VARS1: variants seen among roughly 807,000 people sequenced by gnomAD.
VARS1 encodes valyl-tRNA synthetase 1.
In VARS1, 92 loss-of-function variants were observed where a neutral mutation model predicts 161.0. The ratio of observed to expected loss-of-function variants is 0.57; its 90% CI spans 0.48 to 0.68. The LOEUF is 0.68. Among genes scored for constraint, VARS1 ranks in the 30% least tolerant of loss-of-function variants. The pLI is 0.00. For synonymous variants in VARS1, 595 were observed against 682.5 expected, an observed-to-expected ratio of 0.87 and a Z score of 2.00; for missense variants, 1,338 against 1,695.9, an observed-to-expected ratio of 0.79 and a Z score of 3.71.
At position 31,784,729 on chromosome 6, in the gene VARS1, G is replaced by A. The variant is rs780364406; in HGVS notation, c.1348-15C>T. 1.9e-6 allele frequency: 3 copies of A among 1,612,906 alleles called. No individual in the cohort carries two copies. The highest frequency in any genetic ancestry group is 2.5e-6 in the Non-Finnish European group (3 of 1,179,990). On this transcript the variant is annotated splice_polypyrimidine_tract_variant and intron_variant, in intron 10 of 29. Coordinates refer to ENST00000375663, the MANE Select transcript of VARS1 (RefSeq NM_006295.3). This position sits in a 1 kb window ranked among gnomAD's most constrained non-coding sequence, Gnocchi z 6.1. ...GCTGAGAGTTTCTGGGGTGGAGGAG[G>A]GAGAAGTCAGAGAGATGGGCCTTGT...
chr6:31,784,550 C>T lies in VARS1; in HGVS notation c.1467+45G>A, dbSNP rs1340786766. ...CGTGGCCCAGGGGCCAGGGCCAGGG[C>T]CAGGGTAGATTGGAGATGGAGACAG... On this transcript the variant is annotated intron_variant, in intron 11 of 29. Coordinates refer to ENST00000375663, the MANE Select transcript of VARS1 (RefSeq NM_006295.3). This position sits in a 1 kb window ranked among gnomAD's most constrained non-coding sequence, Gnocchi z 6.1. 31 of 1,613,436 alleles carry T rather than the reference C, an allele frequency of 1.9e-5. No individual in the cohort carries two copies. Among genetic ancestry groups the T allele is most frequent in the Non-Finnish European group, 2.5e-5 (30 of 1,180,038 alleles).
At chr6:31,786,309 C>T (rs905847838) in intron 8 of VARS1, among the ~76,000 whole-genome samples, 2 of 151,430 alleles carry the variant, frequency 1.3e-5, no homozygotes, top group Admixed American at 6.6e-5. Context: ...GAGCTGGAAC[C>T]CTTGTGATTC....
At position 31,778,903 on chromosome 6, in the gene VARS1, G is replaced by C; in HGVS notation, c.3726+64C>G. The C allele has an allele frequency of 6.2e-7, 1 of 1,603,552 alleles. No individual in the cohort carries two copies. The highest frequency in any genetic ancestry group is 1.7e-5 in the Admixed American group (1 of 59,796). On this transcript the variant is annotated intron_variant, in intron 29 of 29. Coordinates refer to ENST00000375663, the MANE Select transcript of VARS1 (RefSeq NM_006295.3). The surrounding 1 kb of genome is among the most constrained non-coding windows in gnomAD (Gnocchi z 5.1). ...TGTCAACACCACTGCACTCGGACCA[G>C]CCCAGACCAGGGTTTTGATGGAGGA...
Position 31,792,235 on chromosome 6 carries a change from G to A in VARS1, c.853C>T (p.Pro285Ser), listed in dbSNP as rs1326207013. 2.9e-5 allele frequency: 47 copies of A among 1,613,734 alleles called. No homozygotes were observed. The highest frequency in any genetic ancestry group is 3.8e-5 in the Non-Finnish European group (45 of 1,179,998). Residue 285 changes from proline to serine, a missense_variant, in exon 6 of 30, where the codon CCA becomes TCA. Coordinates refer to ENST00000375663, the MANE Select transcript of VARS1 (RefSeq NM_006295.3). ...PGVITYDLPT[P>S]PGEKKDVSGP... ...CTAGTACCTTTCTTTTCCCCGGGTG[G>A]GGTTGGGAGGTCATAGGTAATGACC...
In VARS1 at chr6:31,780,710, G is replaced by C. The variant is rs756430820; in HGVS notation, c.2792C>G (p.Ser931Cys). The change falls in exon 24 of 30, where the codon TCC (serine) becomes TGC (cysteine). Residue 931 changes from serine to cysteine, a missense_variant. Coordinates refer to ENST00000375663, the MANE Select transcript of VARS1 (RefSeq NM_006295.3). This position sits in a 1 kb window ranked among gnomAD's most constrained non-coding sequence, Gnocchi z 5.1. ...ALRFGLCAYM[S>C]QGRDINLDVN... is the part of the protein sequence containing the mutation. ...GGACGCTTTGGGGGCCATACCCTGG[G>C]ACATGTAGGCACATAATCCAAACCG... is the stretch of plus-strand genomic sequence containing the variant. 1 of 1,614,132 alleles carries C rather than the reference G, an allele frequency of 6.2e-7. No individual in the cohort carries two copies. The highest frequency in any genetic ancestry group is 1.1e-5 in the South Asian group (1 of 91,088).
At position 31,789,624 on chromosome 6, in the gene VARS1, G is replaced by A. The variant is rs117678546; in HGVS notation, c.1100+1986C>T. Among the ~76,000 whole-genome samples the A allele has an allele frequency of 6.1e-3, 935 of 152,240 alleles. 7 individuals are homozygous for A. The highest frequency in any genetic ancestry group is 0.024 in the Middle Eastern group (7 of 294). On this transcript the variant is annotated intron_variant, in intron 8 of 29. Transcript: ENST00000375663. ...TTCACTTCTTGATAGCTACACCAGCGAAACCCTTCCACACATGCTTCAGCA... is the reference window on the plus strand; with the variant it reads ...TTCACTTCTTGATAGCTACACCAGCAAAACCCTTCCACACATGCTTCAGCA...
At position 31,780,430 on chromosome 6, in the gene VARS1, C is replaced by T; in HGVS notation, c.2925+11G>A. The T allele has an allele frequency of 6.2e-7, 1 of 1,610,136 alleles. No homozygotes were observed. Among genetic ancestry groups the T allele is most frequent in the Non-Finnish European group, 8.5e-7 (1 of 1,178,038 alleles). On this transcript the variant is annotated intron_variant, in intron 25 of 29. Coordinates refer to ENST00000375663, the MANE Select transcript of VARS1 (RefSeq NM_006295.3). The surrounding 1 kb of genome is among the most constrained non-coding windows in gnomAD (Gnocchi z 5.1). Reference sequence around the variant, plus strand: ...GAGTGCTGCCAGCTTTGCTGCCCACCAGGCCCTTACCTGGGAGGTGGGTGA... The same window carrying T: ...GAGTGCTGCCAGCTTTGCTGCCCACTAGGCCCTTACCTGGGAGGTGGGTGA...
Position 31,781,449 on chromosome 6 carries a change from G to A in VARS1, c.2544+32C>T, listed in dbSNP as rs758071480. On this transcript the variant is annotated intron_variant, in intron 21 of 29. Coordinates refer to ENST00000375663, the MANE Select transcript of VARS1 (RefSeq NM_006295.3). This position sits in a 1 kb window ranked among gnomAD's most constrained non-coding sequence, Gnocchi z 6.8. ...ACAGGACGGTAGGAGAGGAGGCTGG[G>A]GGCGATGGGAGGGTCTCGGCTGTCT... The A allele has an allele frequency of 4.4e-6, 7 of 1,607,038 alleles. No homozygotes were observed. The Admixed American group carries it at 1.0e-4, about 23-fold the overall frequency.
rs1813011386 is a variant in VARS1, at chr6:31,779,796, G to A, written c.3100C>T (p.Leu1034=). The A allele has an allele frequency of 6.2e-7, 1 of 1,612,874 alleles. No homozygotes were observed. Among genetic ancestry groups the A allele is most frequent in the Non-Finnish European group, 8.5e-7 (1 of 1,180,004 alleles). The change falls in exon 27 of 30, where the codon CTG becomes TTG. Residue 1034 remains leucine, a synonymous_variant. Coordinates refer to ENST00000375663, the MANE Select transcript of VARS1 (RefSeq NM_006295.3). The surrounding 1 kb of genome is among the most constrained non-coding windows in gnomAD (Gnocchi z 9.1). ...GCTGCCACCTGGTCCACCCCATTCA[G>A]TACAGGTTTCAGGCACTCCTAGGGG... is the stretch of plus-strand genomic sequence containing the variant. The part of the protein sequence containing the change: ...DVYLECLKPV[L]NGVDQVAAEC...
chr6:31,780,172 A>T lies in VARS1; in HGVS notation c.2926-19T>A, dbSNP rs898484126. 10 of 1,611,950 alleles carry T rather than the reference A, an allele frequency of 6.2e-6. No homozygotes were observed. Among genetic ancestry groups the T allele is most frequent in the Admixed American group, 5.0e-5 (3 of 59,988 alleles). The stretch of plus-strand genomic sequence containing the variant: ...CTCCGGGCTTGGGGAGAGAGGGTGT[A>T]TCAGCCGGCGGGCCAGGGGAGGGTG... On this transcript the variant is annotated intron_variant, in intron 25 of 29. Coordinates refer to ENST00000375663, the MANE Select transcript of VARS1 (RefSeq NM_006295.3). This position sits in a 1 kb window ranked among gnomAD's most constrained non-coding sequence, Gnocchi z 5.1.
intron 2 of VARS1, among the ~76,000 whole-genome samples, chr6:31,793,900 C>T (rs954992190): frequency 2.0e-5 from 3 of 151,734 alleles, no homozygotes; most frequent in Admixed American, 6.6e-5. Flanking sequence ...GTTAGGAGTT[C>T]GAGACCAGCC....
chr6:31,784,398 GC>G lies in VARS1; in HGVS notation c.1571del (p.Gly524AlafsTer24). 1.2e-6 allele frequency: 2 copies of G among 1,614,126 alleles called. No homozygotes were observed. The highest frequency in any genetic ancestry group is 8.5e-7 in the Non-Finnish European group (1 of 1,180,040). ...CCTGGTGCCCCTGGCTCCTACCTGAGCCTTGGACCTTATAGGCAAAGGACAC... is the reference window on the plus strand; with the variant it reads ...CCTGGTGCCCCTGGCTCCTACCTGAGCTTGGACCTTATAGGCAAAGGACAC... ...VLVSFAYKVQ[G>X]SDSDEEVVVA... is the part of the protein sequence containing the mutation. On this transcript the variant is annotated frameshift_variant, in exon 12 of 30. Coordinates refer to ENST00000375663, the MANE Select transcript of VARS1 (RefSeq NM_006295.3). LOFTEE classifies it high-confidence loss of function. The surrounding 1 kb of genome is among the most constrained non-coding windows in gnomAD (Gnocchi z 6.1).
chr6:31,795,293 G>A lies in VARS1; in HGVS notation c.-33-43C>T, dbSNP rs1205955390. 4.5e-6 allele frequency: 6 copies of A among 1,320,152 alleles called. No homozygotes were observed. The highest frequency in any genetic ancestry group is 5.8e-6 in the Non-Finnish European group (6 of 1,026,042). The allele number at this position is 1,320,152 out of a possible 1,614,324, so 81.8% of individuals were successfully genotyped here. A position where few individuals can be genotyped will look rare whatever the true frequency, so the allele number is the denominator to read the frequency against. The stretch of plus-strand genomic sequence containing the variant: ...CAGGGGAAGACTGCGGGATCGAGGT[G>A]GGTCCTATGTTTGAGTAGAGAGGGG... On this transcript the variant is annotated intron_variant, in intron 1 of 29. Coordinates refer to ENST00000375663, the MANE Select transcript of VARS1 (RefSeq NM_006295.3). This position sits in a 1 kb window ranked among gnomAD's most constrained non-coding sequence, Gnocchi z 6.9.
intron 8 of VARS1, among the ~76,000 whole-genome samples, chr6:31,786,009 C>T (rs1482028664): frequency 2.6e-5 from 4 of 152,228 alleles, no homozygotes; most frequent in East Asian, 1.9e-4. Context: ...GCCTGTAATC[C>T]CAGCACTTTG....
chr6:31,792,067 A>C (rs1176738407), intron 6 of VARS1, 96 bp from the exon 7 acceptor site: 10 of 1,457,930 alleles, frequency 6.9e-6, no homozygotes, highest in Non-Finnish European at 9.3e-6. Flanking sequence ...CGTCACTCAC[A>C]TCATAGGACA....
chr6:31,786,596 G>A (rs1813521582), intron 8 of VARS1, among the ~76,000 whole-genome samples: 1 of 150,194 alleles, frequency 6.7e-6, no homozygotes, highest in African/African-American at 2.5e-5. Flanking sequence ...AAGCTGGGAG[G>A]GGGAGGTTGC....
At chr6:31,789,656 T>C (rs1407825313) in intron 8 of VARS1, among the ~76,000 whole-genome samples, 3 of 152,154 alleles carry the variant, frequency 2.0e-5, no homozygotes, top group Non-Finnish European at 4.4e-5. Flanking sequence ...AGCAAGCATA[T>C]AGAGCAGGGG....
Position 31,779,381 on chromosome 6 carries a change from G to C in VARS1, c.3400+44C>G, listed in dbSNP as rs1168032530. Reference sequence around the variant, plus strand: ...CGGACACTGGGTCCCAGAGTAGGCTGAGGGGACAGTGGGATGGGGCGGACA... The same window carrying C: ...CGGACACTGGGTCCCAGAGTAGGCTCAGGGGACAGTGGGATGGGGCGGACA... On this transcript the variant is annotated intron_variant, in intron 28 of 29. Transcript: ENST00000375663. This position sits in a 1 kb window ranked among gnomAD's most constrained non-coding sequence, Gnocchi z 9.1. 6.2e-7 allele frequency: 1 copy of C among 1,606,068 alleles called. No homozygotes were observed. Among genetic ancestry groups the C allele is most frequent in the African/African-American group, 1.3e-5 (1 of 74,926 alleles).
intron 6 of VARS1, 37 bp downstream of exon 6, chr6:31,792,180 G>C (rs773373912): frequency 1.9e-6 from 3 of 1,606,070 alleles, no homozygotes; most frequent in Admixed American, 3.4e-5. Context: ...ACTTAGAAGG[G>C]GCTGCTGAGG....
Sources: allele counts gnomAD v4.1 joint callset (sites outside exome capture counted in the v4.1 genomes callset), GRCh38; gene constraint gnomAD v4.1.1; non-coding constraint Gnocchi (gnomAD v3.1); transcripts MANE v1.5; gene names NCBI Gene and HGNC (gene_info 2026-07-23, HGNC 2026-07-21).